DIP2B: variants seen among roughly 807,000 people sequenced by gnomAD.
DIP2B encodes the protein disco-interacting protein 2 homolog B.
A neutral mutation model predicts 198.0 loss-of-function variants in DIP2B; 76 were observed. That is an observed-to-expected ratio of 0.38 (90% CI 0.32 to 0.46). The LOEUF (loss-of-function observed/expected upper bound fraction) is 0.46. Among genes scored for constraint, DIP2B ranks in the 20% least tolerant of loss-of-function variants. The pLI is 0.99. For missense variants in DIP2B, 1,559 were observed against 1,978.4 expected (o/e 0.79, Z 4.02); for synonymous variants, 701 against 739.1 (o/e 0.95, Z 0.84).
At chr12:50,656,576 T>G (rs1938557815) in intron 3 of DIP2B, among the ~76,000 whole-genome samples, 2 of 152,208 alleles carry the variant, frequency 1.3e-5, no homozygotes, top group Admixed American at 1.3e-4. Flanking sequence ...TTTTTTTCTT[T>G]CTTTTTTTCT....
intron 4 of DIP2B, among the ~76,000 whole-genome samples, chr12:50,663,047 C>T (rs539309801): frequency 5.3e-5 from 8 of 152,076 alleles, no homozygotes; most frequent in Admixed American, 6.5e-5. Context: ...AGGCAGAGGT[C>T]GCAGTGAGCC....
rs76440867 is a variant in DIP2B, at chr12:50,635,729, A to G, written c.173-4995A>G. Among the ~76,000 whole-genome samples the G allele has an allele frequency of 1.5e-3, 221 of 152,156 alleles. 1 individual carries two copies. Among genetic ancestry groups the G allele is most frequent in the African/African-American group, 4.8e-3 (198 of 41,494 alleles). On this transcript the variant is annotated intron_variant, in intron 2 of 37. Transcript: ENST00000301180. ...GCCTCCTGGAGTAGTCTGTAACCCTATTTTCCTTAATGTCCTTGTGTAAGT... is the reference window on the plus strand; with the variant it reads ...GCCTCCTGGAGTAGTCTGTAACCCTGTTTTCCTTAATGTCCTTGTGTAAGT...
intron 1 of DIP2B, among the ~76,000 whole-genome samples, chr12:50,567,434 C>T (rs1377767756): frequency 3.9e-5 from 6 of 152,166 alleles, no homozygotes; most frequent in Non-Finnish European, 7.4e-5. Context: ...CCATTTATAG[C>T]TTTTTCATAG....
rs138308817 is a variant in DIP2B at position 50,724,830 on chromosome 12, C to T, written c.3344C>T (p.Ser1115Phe). 1.4e-4 allele frequency: 218 copies of T among 1,614,030 alleles called. No homozygotes were observed. The highest frequency in any genetic ancestry group is 1.8e-4 in the Non-Finnish European group (210 of 1,180,020). Reference sequence around the variant, plus strand: ...CAGACCCTAATGAGGCTACTGAGGTCCCGAGAGGCAGCAGCAGCTGTGGAT... The same window carrying T: ...CAGACCCTAATGAGGCTACTGAGGTTCCGAGAGGCAGCAGCAGCTGTGGAT... ...TSQTLMRLLRSREAAAAVDVK... is the reference protein window; with the variant it reads ...TSQTLMRLLRFREAAAAVDVK... The change falls in exon 28 of 38, where the codon TCC becomes TTC. Residue 1115 changes from serine (S) to phenylalanine (F), a missense_variant. Coordinates refer to ENST00000301180, the MANE Select transcript of DIP2B (RefSeq NM_173602.3).
intron 1 of DIP2B, among the ~76,000 whole-genome samples, chr12:50,530,464 G>A (rs1039136522): frequency 3.9e-5 from 6 of 152,224 alleles, no homozygotes; most frequent in Admixed American, 1.3e-4. Flanking sequence ...AGTATTGTAA[G>A]CAGGAGTGGA....
intron 3 of DIP2B, among the ~76,000 whole-genome samples, chr12:50,648,245 G>A (rs1938385076): frequency 6.6e-6 from 1 of 152,100 alleles, no homozygotes; most frequent in South Asian, 2.1e-4. Context: ...TTATCTTGGT[G>A]GTAAAAGTAT....
chr12:50,650,786 T>C (rs1222193605), intron 3 of DIP2B, among the ~76,000 whole-genome samples: 2 of 152,220 alleles, frequency 1.3e-5, no homozygotes, highest in African/African-American at 2.4e-5. Flanking sequence ...CAAATATCTC[T>C]TTGAGATCCT....
At chr12:50,741,312 C>G in intron 36 of DIP2B, 104 bp from the exon 37 acceptor site, 1 of 1,413,004 alleles carries the variant, frequency 7.1e-7, no homozygotes, top group South Asian at 1.4e-5. Flanking sequence ...TTGGTAGGGG[C>G]AGAGCCAGGT....
intron 4 of DIP2B, among the ~76,000 whole-genome samples, chr12:50,665,557 A>T: frequency 6.6e-6 from 1 of 152,230 alleles, no homozygotes; most frequent in Non-Finnish European, 1.5e-5. Context: ...AGCCTGGGCA[A>T]CATAGCAAGA....
chr12:50,723,387 A>T (rs140659026), intron 27 of DIP2B, 64 bp downstream of exon 27: 550 of 1,583,720 alleles, frequency 3.5e-4, no homozygotes, highest in Middle Eastern at 1.0e-3. Flanking sequence ...ACAACTAAGG[A>T]TCCTTACTAA....
chr12:50,672,280 T>G (rs1199696024), intron 5 of DIP2B, among the ~76,000 whole-genome samples: 2 of 152,210 alleles, frequency 1.3e-5, no homozygotes, highest in African/African-American at 2.4e-5. Flanking sequence ...ATAGCTACCT[T>G]GAGGGTATGA....
intron 3 of DIP2B, among the ~76,000 whole-genome samples, chr12:50,648,016 GA>G (rs1460457304): frequency 6.6e-6 from 1 of 152,138 alleles, no homozygotes; most frequent in Non-Finnish European, 1.5e-5. Flanking sequence ...TGAGGCAGGA[GA>G]ATTGCTTGAA....
intron 1 of DIP2B, among the ~76,000 whole-genome samples, chr12:50,592,459 A>G (rs1172928996): frequency 6.6e-6 from 1 of 151,722 alleles, no homozygotes; most frequent in East Asian, 1.9e-4. Context: ...GCCGGGCCTT[A>G]ACTTTTAGAT....
At chr12:50,742,425 A>C (rs11169543) in intron 37 of DIP2B, among the ~76,000 whole-genome samples, 17 of 128,484 alleles carry the variant, frequency 1.3e-4, no homozygotes, top group South Asian at 2.4e-4. Flanking sequence ...AAAAAAAACC[A>C]CCTCTGTAGT....
At chr12:50,697,622 T>G (rs1939340301) in intron 17 of DIP2B, among the ~76,000 whole-genome samples, 1 of 136,376 alleles carries the variant, frequency 7.3e-6, no homozygotes, top group African/African-American at 2.7e-5. Context: ...CTCAACCTCC[T>G]GGGCTCAAAC....
At chr12:50,570,839 A>G (rs184854020) in intron 1 of DIP2B, among the ~76,000 whole-genome samples, 3 of 152,222 alleles carry the variant, frequency 2.0e-5, no homozygotes, top group Non-Finnish European at 4.4e-5. Flanking sequence ...GAGTGACTAG[A>G]TTTAAGTTTG....
intron 19 of DIP2B, among the ~76,000 whole-genome samples, chr12:50,702,710 G>T (rs1939441163): frequency 8.7e-6 from 1 of 114,744 alleles, no homozygotes; most frequent in Non-Finnish European, 1.6e-5. Context: ...TCCAGCCTGG[G>T]CAACATAGTG....
At chr12:50,589,425 G>T in intron 1 of DIP2B, among the ~76,000 whole-genome samples, 1 of 151,616 alleles carries the variant, frequency 6.6e-6, no homozygotes, top group Non-Finnish European at 1.5e-5. Flanking sequence ...TCAAACTCCT[G>T]ACCTCGGCGT....
intron 9 of DIP2B, among the ~76,000 whole-genome samples, chr12:50,681,201 C>T (rs773542807): frequency 2.3e-4 from 35 of 152,184 alleles, no homozygotes; most frequent in Admixed American, 4.6e-4. Flanking sequence ...GACACTGAGG[C>T]GGGAGGATCA....
Sources: allele counts gnomAD v4.1 joint callset (sites outside exome capture counted in the v4.1 genomes callset), GRCh38; gene constraint gnomAD v4.1.1; transcripts MANE v1.5; gene names NCBI Gene and HGNC (gene_info 2026-07-23, HGNC 2026-07-21).